The following RGS3 variants were observed in gnomAD, a reference collection of about 807,000 sequenced individuals.
The protein encoded by RGS3 is regulator of G-protein signalling 3.
RGS3 carries 80 observed loss-of-function variants against 132.6 expected under a neutral mutation model. That is an observed-to-expected ratio of 0.60 (90% CI 0.50 to 0.73). The LOEUF is 0.73. Among genes scored for constraint, RGS3 ranks in the 30% least tolerant of loss-of-function variants. RGS3 has a pLI of 0.00. For synonymous variants in RGS3, 598 were observed against 620.6 expected (o/e 0.96, Z 0.54); for missense variants, 1,382 against 1,530.8 (o/e 0.90, Z 1.62).
intron 19 of RGS3, among the ~76,000 whole-genome samples, chr9:113,542,445 G>A (rs1394243668): frequency 6.6e-6 from 1 of 152,188 alleles, no homozygotes; most frequent in African/African-American, 2.4e-5. Flanking sequence ...GGCCCAAGTG[G>A]GTGTGAGATC....
intron 17 of RGS3, among the ~76,000 whole-genome samples, chr9:113,524,662 C>T (rs1199395509): frequency 2.0e-5 from 3 of 152,208 alleles, no homozygotes; most frequent in African/African-American, 7.2e-5. Flanking sequence ...CTGGCCCTTT[C>T]CCTTTGCCTT....
chr9:113,498,227 C>T (rs1297878617), intron 10 of RGS3, 147 bp downstream of exon 8: 3 of 684,728 alleles, frequency 4.4e-6, no homozygotes, highest in Non-Finnish European at 7.6e-6. Flanking sequence ...CTTGATTTTC[C>T]TGAGGTGTAT....
upstream of RGS3, chr9:113,460,122 G>A (rs533273042): frequency 3.6e-5 from 23 of 638,034 alleles, no homozygotes; most frequent in African/African-American, 4.7e-4. Flanking sequence ...TATACATTTT[G>A]CCAGAGGTCT....
intron 3 of RGS3, among the ~76,000 whole-genome samples, chr9:113,473,020 G>A (rs753565844): frequency 1.1e-4 from 17 of 152,092 alleles, no homozygotes; most frequent in Admixed American, 2.0e-4. Context: ...CAGCCTGGGC[G>A]ACAGAGTGAG....
intron 19 of RGS3, 36 bp from the exon 18 acceptor site, chr9:113,583,414 C>T: frequency 1.2e-6 from 2 of 1,608,512 alleles, no homozygotes; most frequent in Non-Finnish European, 1.7e-6. Flanking sequence ...GGAGCCTCCT[C>T]TTCTGAACTG....
intron 19 of RGS3, among the ~76,000 whole-genome samples, chr9:113,572,270 A>C (rs1334957930): frequency 1.3e-5 from 2 of 152,054 alleles, no homozygotes; most frequent in Non-Finnish European, 2.9e-5. Context: ...GTGCAGGGCC[A>C]AGGGAGATAA....
chr9:113,536,479 G>T, intron 18 of RGS3: 1 of 1,043,990 alleles, frequency 9.6e-7, no homozygotes, highest in African/African-American at 1.7e-5. Context: ...GCTGCTTTGT[G>T]CTGCCTGCCC....
chr9:113,532,341 A>G (rs1316746380), intron 18 of RGS3, among the ~76,000 whole-genome samples: 1 of 152,042 alleles, frequency 6.6e-6, no homozygotes, highest in Admixed American at 6.5e-5. Context: ...GCCTCCCTGG[A>G]GGGAGCTGGC....
chr9:113,491,833 C>T lies in RGS3; in HGVS notation c.690-3953C>T, dbSNP rs571623666. Among the ~76,000 whole-genome samples the T allele has an allele frequency of 3.5e-4, 54 of 152,332 alleles. 1 individual carries two copies. The highest frequency in any genetic ancestry group is 3.3e-3 in the South Asian group (16 of 4,824). ...CCTCCCAAAGTGCTGGGATTACAGG[C>T]GTGAGCCACTGCGCCCAGCCAGGGC... On this transcript the variant is annotated intron_variant, in intron 7 of 24. Coordinates refer to ENST00000350696, the Ensembl canonical transcript of RGS3.
At chr9:113,484,356 C>CA (rs1588149465) in intron 6 of RGS3, 124 bp downstream of exon 4, 54 of 438,640 alleles carry the variant, frequency 1.2e-4, no homozygotes, top group South Asian at 7.6e-4. Context: ...AAAACCAAAA[C>CA]AAAAAAAACC....
chr9:113,553,459 A>AAAAAAT lies in RGS3; in HGVS notation c.2037+16542_2037+16543insAAAATA, dbSNP rs1426114805. ...CTCTGTTTAAAAAAAAAAAAAAAAA[A>AAAAAAT]ATATATATATATATATATATATATA... On this transcript the variant is annotated intron_variant, in intron 19 of 24. Transcript: ENST00000350696. Among the ~76,000 whole-genome samples the AAAAAAT allele has an allele frequency of 4.2e-3, 245 of 58,640 alleles. 3 individuals carry two copies. Among genetic ancestry groups the AAAAAAT allele is most frequent in the Non-Finnish European group, 5.4e-3 (178 of 33,020 alleles). 38.5% of individuals were successfully genotyped at this position (58,640 alleles called of 152,430 possible).
intron 3 of RGS3, among the ~76,000 whole-genome samples, chr9:113,466,786 T>G (rs1829658943): frequency 6.6e-6 from 1 of 152,236 alleles, no homozygotes; most frequent in African/African-American, 2.4e-5. Context: ...TTCAATGGTT[T>G]TTAGTATATT....
At chr9:113,546,923 TG>T (rs1353986225) in intron 19 of RGS3, among the ~76,000 whole-genome samples, 2 of 152,328 alleles carry the variant, frequency 1.3e-5, no homozygotes, top group East Asian at 1.9e-4. Context: ...TTGAGCAAAT[TG>T]CTTCACATCT....
chr9:113,577,052 C>T (rs887504187), intron 19 of RGS3, among the ~76,000 whole-genome samples: 12 of 152,138 alleles, frequency 7.9e-5, no homozygotes, highest in Admixed American at 3.9e-4. Flanking sequence ...GGTGCAATCT[C>T]GGCTCACTGC....
chr9:113,504,761 A>T (rs1831056743), intron 10 of RGS3, among the ~76,000 whole-genome samples: 1 of 152,208 alleles, frequency 6.6e-6, no homozygotes, highest in Admixed American at 6.5e-5. Context: ...GGAGTTGTGG[A>T]CCTGTCAAGC....
intron 10 of RGS3, among the ~76,000 whole-genome samples, chr9:113,500,402 G>A (rs1657799234): frequency 6.6e-6 from 1 of 152,164 alleles, no homozygotes; most frequent in Admixed American, 6.5e-5. Flanking sequence ...GCTTCCCCAG[G>A]GGCTCTGAGA....
In RGS3 at chr9:113,583,793, C is replaced by T. The variant is rs200950861; in HGVS notation, c.2381C>T (p.Pro794Leu). 1.1e-4 allele frequency: 184 copies of T among 1,614,208 alleles called. No homozygotes were observed. The East Asian group carries it at 3.6e-3, about 31-fold the overall frequency. ...CAAGAACCCCTGCCTCACCAGGACC[C>T]TCTACTCACCAAAGACCTCCCTGCC... The change falls in exon 20 of 25, where the codon CCT becomes CTT. Residue 794 changes from proline to leucine, a missense_variant. Physicochemically the swap from Pro to Leu is moderately conservative, Grantham distance 98 (BLOSUM62 -3). Coordinates refer to ENST00000350696, the Ensembl canonical transcript of RGS3.
chr9:113,535,462 C>T (rs1009861167), intron 18 of RGS3, among the ~76,000 whole-genome samples: 94 of 152,194 alleles, frequency 6.2e-4, no homozygotes, highest in African/African-American at 2.1e-3. Flanking sequence ...TAAGCCACTG[C>T]GCCCAGTCAA....
At chr9:113,449,596 T>C (rs982964810) in intron 1 of RGS3, among the ~76,000 whole-genome samples, 1 of 152,150 alleles carries the variant, frequency 6.6e-6, no homozygotes, top group Non-Finnish European at 1.5e-5. Flanking sequence ...AAGGTCAAGT[T>C]GCTGTTCCTC....
Sources: allele counts gnomAD v4.1 joint callset (sites outside exome capture counted in the v4.1 genomes callset), GRCh38; gene constraint gnomAD v4.1.1; transcripts MANE v1.5; gene names NCBI Gene and HGNC (gene_info 2026-07-23, HGNC 2026-07-21).